ARHGAP32: variants seen among roughly 807,000 people sequenced by gnomAD.
ARHGAP32 encodes the protein rho GTPase-activating protein 32.
ARHGAP32 carries 51 observed loss-of-function variants against 186.5 expected under a neutral mutation model. The ratio of observed to expected loss-of-function variants is 0.27; its 90% confidence interval spans 0.22 to 0.35. The LOEUF (loss-of-function observed/expected upper bound fraction) is 0.35. Ranked by LOEUF, ARHGAP32 falls within the 10% of genes least tolerant of loss-of-function variation. ARHGAP32 has a pLI of 1.00. For missense variants in ARHGAP32, 2,186 were observed against 2,623.5 expected (o/e 0.83, Z 3.64); for synonymous variants, 950 against 964.3 (o/e 0.99, Z 0.27).
rs1342234260 is a variant in ARHGAP32 at position 128,978,769 on chromosome 11, C to T, written c.2122+1G>A. 1 of 1,605,822 alleles carries T rather than the reference C, an allele frequency of 6.2e-7. No individual in the cohort carries two copies. The highest frequency in any genetic ancestry group is 1.3e-5 in the African/African-American group (1 of 74,128). ...GAAGTGAGAATCTCCCAGGCACTCA[C>T]CTTTCAGAGCCATGGCTTTCATCTC... On this transcript the variant is annotated splice_donor_variant, in intron 19 of 22. Coordinates refer to ENST00000682385, the MANE Select transcript of ARHGAP32 (RefSeq NM_001378024.1). LOFTEE classifies it high-confidence loss of function.
rs57944399 is a variant in ARHGAP32 at position 129,224,768 on chromosome 11, C to CAAA, written c.-5+54375_-5+54377dup. Among the ~76,000 whole-genome samples, 401 of 104,128 alleles carry CAAA rather than the reference C, an allele frequency of 3.9e-3. 12 individuals are homozygous for CAAA. The highest frequency in any genetic ancestry group is 0.023 in the East Asian group (79 of 3,388). The allele number at this position is 104,128 out of a possible 152,430, so 68.3% of individuals were successfully genotyped here. A position where few individuals can be genotyped will look rare whatever the true frequency, so the allele number is the denominator to read the frequency against. On this transcript the variant is annotated intron_variant, in intron 1 of 6. Transcript: ENST00000525234. ...GACCTGACTCACAGCTTGGCTAGAG[C>CAAA]AAAAAAAAAAAAAAAAAAAAAAAAT...
At chr11:129,157,787 C>A (rs1565448432) in intron 2 of ARHGAP32, among the ~76,000 whole-genome samples, 1 of 152,022 alleles carries the variant, frequency 6.6e-6, no homozygotes, top group Non-Finnish European at 1.5e-5. Context: ...GTCAGATACA[C>A]CAAGGTTGAA....
chr11:129,072,476 G>A (rs190144006), intron 6 of ARHGAP32, among the ~76,000 whole-genome samples: 20 of 152,284 alleles, frequency 1.3e-4, no homozygotes, highest in Admixed American at 1.3e-3. Context: ...CAAGTAAAAA[G>A]CTGAACAAAG....
intron 12 of ARHGAP32, among the ~76,000 whole-genome samples, chr11:128,997,281 A>G (rs530843246): frequency 6.6e-6 from 1 of 152,112 alleles, no homozygotes; most frequent in African/African-American, 2.4e-5. Flanking sequence ...TTTGGGAATA[A>G]CATCTGTTTG....
rs569783577 is a variant in ARHGAP32 at position 129,261,748 on chromosome 11, TTTGTTC to T, written c.-5+17392_-5+17397del. On this transcript the variant is annotated intron_variant, in intron 1 of 6. Coordinates refer to the ARHGAP32 transcript ENST00000525234. ...TGGGAGCAAACAGCTGAAAAGGCAA[TTTGTTC>T]TGTTAATCAAAGGTAATTTTGACTT... Among the ~76,000 whole-genome samples the T allele has an allele frequency of 1.9e-3, 285 of 152,304 alleles. 4 individuals carry two copies. Among genetic ancestry groups the T allele is most frequent in the African/African-American group, 6.7e-3 (280 of 41,566 alleles).
chr11:129,262,310 A>ACT (rs1945332095), intron 1 of ARHGAP32, among the ~76,000 whole-genome samples: 1 of 152,160 alleles, frequency 6.6e-6, no homozygotes, highest in Non-Finnish European at 1.5e-5. Flanking sequence ...ATAGGTAGTA[A>ACT]ATATCTACTG....
chr11:129,217,028 C>T (rs887774684), intron 1 of ARHGAP32, among the ~76,000 whole-genome samples: 1 of 152,062 alleles, frequency 6.6e-6, no homozygotes, highest in Non-Finnish European at 1.5e-5. Flanking sequence ...ATATACCTCA[C>T]ATTAATCAGG....
At chr11:129,001,118 G>A (rs1039922610) in intron 11 of ARHGAP32, among the ~76,000 whole-genome samples, 2 of 152,022 alleles carry the variant, frequency 1.3e-5, no homozygotes, top group Non-Finnish European at 2.9e-5. Flanking sequence ...TTCTATATAC[G>A]AATTTCCTTT....
intron 2 of ARHGAP32, among the ~76,000 whole-genome samples, chr11:129,156,811 C>T (rs1943419077): frequency 6.6e-6 from 1 of 152,218 alleles, no homozygotes; most frequent in African/African-American, 2.4e-5. Context: ...AGTCAACAGA[C>T]ACCTCATGCA....
intron 17 of ARHGAP32, 86 bp downstream of exon 17, chr11:128,981,330 G>C: frequency 7.1e-7 from 1 of 1,410,874 alleles, no homozygotes. Context: ...ACACGTTTTT[G>C]TTGTTGCAAT....
Position 129,057,911 on chromosome 11 carries a change from C to T in ARHGAP32, c.963+4369G>A, listed in dbSNP as rs542222908. On this transcript the variant is annotated intron_variant, in intron 10 of 22. Transcript: ENST00000682385. ...ACAGAGAGGAAAGGCCATGTAAGGA[C>T]ACGCAAGAAAGTGACCATCTGTGAG... 5.9e-5 allele frequency among the ~76,000 whole-genome samples: 9 copies of T among 152,136 alleles called. No individual in the cohort carries two copies. In the East Asian group the frequency reaches 1.7e-3, roughly 29 times the overall value.
intron 2 of ARHGAP32, among the ~76,000 whole-genome samples, chr11:129,131,380 T>C (rs920033885): frequency 6.6e-6 from 1 of 152,164 alleles, no homozygotes; most frequent in Non-Finnish European, 1.5e-5. Context: ...GGAATAGTTA[T>C]GATAACTACG....
At chr11:129,068,040 C>T (rs544570161) in intron 6 of ARHGAP32, among the ~76,000 whole-genome samples, 1 of 152,140 alleles carries the variant, frequency 6.6e-6, no homozygotes, top group East Asian at 1.9e-4. Flanking sequence ...GTGACTGAGA[C>T]TTTTGAAGAA....
intron 2 of ARHGAP32, among the ~76,000 whole-genome samples, chr11:129,152,045 T>C (rs1022184429): frequency 1.3e-5 from 2 of 151,982 alleles, no homozygotes; most frequent in African/African-American, 2.4e-5. Flanking sequence ...ATAATACAAC[T>C]GATAACACAG....
At position 128,970,864 on chromosome 11, in the gene ARHGAP32, C is replaced by A; in HGVS notation, c.4349G>T (p.Ser1450Ile). The A allele has an allele frequency of 6.2e-7, 1 of 1,614,238 alleles. No homozygotes were observed. Among genetic ancestry groups the A allele is most frequent in the Non-Finnish European group, 8.5e-7 (1 of 1,180,052 alleles). Residue 1450 changes from serine (S) to isoleucine (I), a missense_variant, in exon 23 of 23, where the codon AGC becomes ATC. Ser to Ile is a moderately radical substitution (Grantham distance 142). Coordinates refer to ENST00000682385, the MANE Select transcript of ARHGAP32 (RefSeq NM_001378024.1). The surrounding 1 kb of genome is among the most constrained non-coding windows in gnomAD (Gnocchi z 5.8). ...AIHSSSADATSSSNYHSFVTA... is the reference protein window; with the variant it reads ...AIHSSSADATISSNYHSFVTA... The stretch of plus-strand genomic sequence containing the variant: ...GACAAAGGAATGATAATTTGAACTG[C>A]TGGTGGCATCTGCACTGCTGGAGTG...
At chr11:129,107,973 C>G (rs1378898436) in intron 5 of ARHGAP32, among the ~76,000 whole-genome samples, 1 of 150,092 alleles carries the variant, frequency 6.7e-6, no homozygotes, top group East Asian at 1.9e-4. Flanking sequence ...TCTATGTAAT[C>G]ACTGTGGTAA....
chr11:129,073,557 A>G (rs190220060), intron 6 of ARHGAP32, among the ~76,000 whole-genome samples: 3 of 152,286 alleles, frequency 2.0e-5, no homozygotes, highest in Admixed American at 1.3e-4. Flanking sequence ...AAAAGACTAA[A>G]GAAAAGGAAC....
Position 128,967,714 on chromosome 11 carries a change from C to T in ARHGAP32, c.*1193G>A, listed in dbSNP as rs1028924337. 6.6e-6 allele frequency: 1 copy of T among 152,096 alleles called. No homozygotes were observed. Among genetic ancestry groups the T allele is most frequent in the Non-Finnish European group, 1.5e-5 (1 of 68,040 alleles). 9.4% of individuals were successfully genotyped at this position (152,096 alleles called of 1,614,324 possible). ...ATAGAGTAAGCAAACGACAGTAATG[C>T]CTTAGGACAGCAATAACTGCCCAGA... On this transcript the variant is annotated 3_prime_UTR_variant, in exon 23 of 23. Coordinates refer to ENST00000682385, the MANE Select transcript of ARHGAP32 (RefSeq NM_001378024.1).
chr11:129,043,561 C>T lies in ARHGAP32; in HGVS notation c.964-2552G>A, dbSNP rs191167754. ...GCCACCATGCCCGGCTAATTTTTTG[C>T]ATTTTTAGTAGAGATGGGTTTTCTC... On this transcript the variant is annotated intron_variant, in intron 10 of 22. Transcript: ENST00000682385. Among the ~76,000 whole-genome samples, 457 of 151,528 alleles carry T rather than the reference C, an allele frequency of 3.0e-3. 7 individuals are homozygous for T. Among genetic ancestry groups the T allele is most frequent in the African/African-American group, 0.011 (436 of 41,386 alleles).
Sources: allele counts gnomAD v4.1 joint callset (sites outside exome capture counted in the v4.1 genomes callset), GRCh38; gene constraint gnomAD v4.1.1; non-coding constraint Gnocchi (gnomAD v3.1); transcripts MANE v1.5; gene names NCBI Gene and HGNC (gene_info 2026-07-23, HGNC 2026-07-21).